The following GPR158 variants were observed in gnomAD, a reference collection of about 807,000 sequenced individuals.
GPR158 encodes G protein-coupled receptor 158, also known as metabotropic glycine receptor.
GPR158 carries 30 observed loss-of-function variants against 78.2 expected under a neutral mutation model. The observed-to-expected ratio is 0.38, with a 90% CI of 0.29 to 0.52. GPR158 has a LOEUF of 0.52. GPR158 is among the 20% of genes least tolerant of loss of function. GPR158 has a pLI of 0.83. For synonymous variants in GPR158, 581 were observed against 591.1 expected (o/e 0.98, Z 0.25); for missense variants, 1,463 against 1,523.5 (o/e 0.96, Z 0.66).
chr10:25,381,654 CTTG>C (rs907814751), intron 2 of GPR158, among the ~76,000 whole-genome samples: 37 of 152,152 alleles, frequency 2.4e-4, no homozygotes, highest in African/African-American at 8.7e-4. Flanking sequence ...GTTTAGTAGA[CTTG>C]TTGGTTTGCT....
At chr10:25,504,575 ACT>A (rs1352730069) in intron 5 of GPR158, among the ~76,000 whole-genome samples, 1 of 151,572 alleles carries the variant, frequency 6.6e-6, no homozygotes, top group Non-Finnish European at 1.5e-5. Flanking sequence ...GCACATCTCA[ACT>A]CTGCTGCCCG....
At chr10:25,211,920 C>A (rs552694110) in intron 1 of GPR158, among the ~76,000 whole-genome samples, 2 of 152,176 alleles carry the variant, frequency 1.3e-5, no homozygotes, top group African/African-American at 4.8e-5. Flanking sequence ...CCATGGCTTC[C>A]CATGTCTGCC....
chr10:25,240,021 G>C (rs1307313968), intron 2 of GPR158, among the ~76,000 whole-genome samples: 1 of 152,160 alleles, frequency 6.6e-6, no homozygotes, highest in African/African-American at 2.4e-5. Context: ...TAGAACATCT[G>C]TCTTAATATT....
intron 7 of GPR158, 141 bp from the exon 8 acceptor site, chr10:25,588,866 T>C: frequency 2.2e-6 from 1 of 456,396 alleles, no homozygotes; most frequent in East Asian, 3.1e-5. Flanking sequence ...ATATATGGCA[T>C]TTGTATTTGT....
intron 2 of GPR158, among the ~76,000 whole-genome samples, chr10:25,353,039 A>T (rs1855496397): frequency 6.6e-6 from 1 of 152,060 alleles, no homozygotes; most frequent in Admixed American, 6.6e-5. Flanking sequence ...ATTCCTTGGT[A>T]TCCTTAATAT....
At chr10:25,567,572 CTG>C (rs1474980569) in intron 6 of GPR158, among the ~76,000 whole-genome samples, 2 of 151,992 alleles carry the variant, frequency 1.3e-5, no homozygotes, top group East Asian at 3.9e-4. Flanking sequence ...TAGCAAAACA[CTG>C]TGTTTGTATA....
intron 4 of GPR158, among the ~76,000 whole-genome samples, chr10:25,437,046 A>G (rs1835006104): frequency 6.6e-6 from 1 of 152,160 alleles, no homozygotes; most frequent in South Asian, 2.1e-4. Flanking sequence ...CAGAACAATT[A>G]AGAAGGAGGA....
At chr10:25,317,049 T>A (rs1311530593) in intron 2 of GPR158, among the ~76,000 whole-genome samples, 1 of 149,270 alleles carries the variant, frequency 6.7e-6, no homozygotes, top group Non-Finnish European at 1.5e-5. Context: ...ATTTTTAAAG[T>A]AATTTTTTTT....
At chr10:25,403,242 A>G (rs1477916934) in intron 3 of GPR158, among the ~76,000 whole-genome samples, 1 of 151,932 alleles carries the variant, frequency 6.6e-6, no homozygotes, top group Non-Finnish European at 1.5e-5. Flanking sequence ...TAGAAGTTTT[A>G]TGTTTTTTTC....
intron 2 of GPR158, among the ~76,000 whole-genome samples, chr10:25,303,654 A>G (rs1047549915): frequency 1.3e-5 from 2 of 152,216 alleles, no homozygotes; most frequent in Non-Finnish European, 2.9e-5. Context: ...AATAAATTCG[A>G]TGATAACCCC....
chr10:25,287,008 C>G (rs113333713), intron 2 of GPR158, among the ~76,000 whole-genome samples: 2 of 152,112 alleles, frequency 1.3e-5, no homozygotes, highest in Admixed American at 6.5e-5. Context: ...CTGCTATCCT[C>G]GTGGTGAGGG....
chr10:25,314,838 C>CAT (rs1229897470), intron 2 of GPR158, among the ~76,000 whole-genome samples: 1 of 128,556 alleles, frequency 7.8e-6, no homozygotes, highest in African/African-American at 3.4e-5. Context: ...CATACATATA[C>CAT]ACGTATATAC....
intron 2 of GPR158, among the ~76,000 whole-genome samples, chr10:25,296,434 A>G (rs977065680): frequency 6.6e-6 from 1 of 151,830 alleles, no homozygotes; most frequent in Non-Finnish European, 1.5e-5. Context: ...TTTCATTATA[A>G]CATTATATAT....
At chr10:25,547,960 A>G (rs998861288) in intron 5 of GPR158, among the ~76,000 whole-genome samples, 11 of 152,206 alleles carry the variant, frequency 7.2e-5, no homozygotes, top group African/African-American at 2.7e-4. Context: ...CTATGAAAGT[A>G]TAACTTTTTT....
chr10:25,594,507 A>T (rs1837377282), intron 9 of GPR158, 110 bp downstream of exon 9: 1 of 512,768 alleles, frequency 2.0e-6, no homozygotes, highest in Admixed American at 3.7e-5. Context: ...TATTTAAAAG[A>T]GTTTTAAAGC....
chr10:25,245,567 T>G (rs1853679428), intron 2 of GPR158, among the ~76,000 whole-genome samples: 2 of 152,168 alleles, frequency 1.3e-5, no homozygotes, highest in Admixed American at 6.5e-5. Context: ...ATTCTCAACC[T>G]TGATTTGTGA....
chr10:25,255,677 C>T (rs1853880775), intron 2 of GPR158, among the ~76,000 whole-genome samples: 1 of 152,222 alleles, frequency 6.6e-6, no homozygotes, highest in Non-Finnish European at 1.5e-5. Context: ...GTATTTCTCT[C>T]ACAGCCTGGA....
intron 4 of GPR158, among the ~76,000 whole-genome samples, chr10:25,440,828 G>T (rs1423179314): frequency 1.3e-5 from 2 of 152,014 alleles, no homozygotes; most frequent in East Asian, 3.9e-4. Flanking sequence ...GGCTCTTAAG[G>T]GGTATATGTT....
At chr10:25,253,739 T>G (rs763272303) in intron 2 of GPR158, among the ~76,000 whole-genome samples, 9 of 152,160 alleles carry the variant, frequency 5.9e-5, no homozygotes, top group African/African-American at 9.7e-5. Flanking sequence ...GTGTTGCAAT[T>G]AATGATGTAT....
Sources: gnomAD v4.1 joint callset for allele counts (sites outside exome capture counted in the v4.1 genomes callset) on GRCh38, gnomAD v4.1.1 for gene constraint, MANE v1.5 for transcripts, NCBI Gene and HGNC (gene_info 2026-07-23, HGNC 2026-07-21) for gene names.